The following LOC128462377 variants were observed in gnomAD, a reference collection of about 807,000 sequenced individuals.
the LOC128462377 span, among the ~76,000 whole-genome samples, chr16:89,329,166 G>A: frequency 3.9e-5 from 6 of 152,166 alleles, no homozygotes; most frequent in African/African-American, 9.7e-5. Context: ...CACCAACCTC[G>A]GGGAAACAGG....
At chr16:89,388,285 T>A in the LOC128462377 span, among the ~76,000 whole-genome samples, 2 of 140,956 alleles carry the variant, frequency 1.4e-5, no homozygotes, top group African/African-American at 5.3e-5. Flanking sequence ...CTTCTCTCCA[T>A]GAGGCTGATT....
the LOC128462377 span, among the ~76,000 whole-genome samples, chr16:89,384,879 CTTTTTTTTTT>C: frequency 1.2e-3 from 59 of 49,942 alleles, 2 homozygotes; most frequent in East Asian, 0.014. Context: ...AAATAGTTTT[CTTTTTTTTTT>C]TTTTTTTTTT....
the LOC128462377 span, among the ~76,000 whole-genome samples, chr16:89,380,375 G>A: frequency 6.6e-6 from 1 of 152,148 alleles, no homozygotes; most frequent in Non-Finnish European, 1.5e-5. Flanking sequence ...GCCTCCCAAA[G>A]TGCTGGGATT....
At chr16:89,391,938 G>A in the LOC128462377 span, among the ~76,000 whole-genome samples, 14 of 152,226 alleles carry the variant, frequency 9.2e-5, no homozygotes, top group Non-Finnish European at 1.6e-4. Context: ...TATACTGGTC[G>A]AAGCAAGCAT....
the LOC128462377 span, among the ~76,000 whole-genome samples, chr16:89,407,736 G>C: frequency 6.6e-6 from 1 of 151,584 alleles, no homozygotes; most frequent in Non-Finnish European, 1.5e-5. Context: ...TGCAGTCCCA[G>C]CTACTTGAGA....
At chr16:89,384,413 C>T in the LOC128462377 span, among the ~76,000 whole-genome samples, 2 of 151,996 alleles carry the variant, frequency 1.3e-5, no homozygotes, top group Non-Finnish European at 2.9e-5. Flanking sequence ...TGGCTGTAAT[C>T]CCAGCTATGT....
chr16:89,386,943 G>A, the LOC128462377 span, among the ~76,000 whole-genome samples: 10 of 152,054 alleles, frequency 6.6e-5, no homozygotes, highest in African/African-American at 2.2e-4. Context: ...TCAAGGGCAT[G>A]AAGGGCTTGG....
the LOC128462377 span, among the ~76,000 whole-genome samples, chr16:89,341,328 C>A: frequency 6.6e-6 from 1 of 152,138 alleles, no homozygotes; most frequent in Admixed American, 6.5e-5. Context: ...ATTAATCAGG[C>A]AATCAAACCA....
chr16:89,397,427 G>A, the LOC128462377 span, among the ~76,000 whole-genome samples: 1 of 152,242 alleles, frequency 6.6e-6, no homozygotes, highest in Non-Finnish European at 1.5e-5. Flanking sequence ...TGGACTCCCA[G>A]CGCCGTACCA....
At chr16:89,324,966 A>T in the LOC128462377 span, 1 of 169,576 alleles carries the variant, frequency 5.9e-6, no homozygotes, top group South Asian at 1.4e-4. Flanking sequence ...ACTCGTACAC[A>T]CAAGTACTGG....
the LOC128462377 span, among the ~76,000 whole-genome samples, chr16:89,412,804 C>T: frequency 9.2e-5 from 14 of 152,094 alleles, no homozygotes; most frequent in African/African-American, 1.2e-4. Flanking sequence ...AAAAGAAATA[C>T]AGTAACCGCA....
At chr16:89,396,312 C>T in the LOC128462377 span, among the ~76,000 whole-genome samples, 10 of 152,276 alleles carry the variant, frequency 6.6e-5, no homozygotes, top group African/African-American at 2.4e-4. Context: ...ACACTGTGTG[C>T]TGACCTGGGT....
At chr16:89,383,359 C>T in the LOC128462377 span, among the ~76,000 whole-genome samples, 22 of 152,376 alleles carry the variant, frequency 1.4e-4, no homozygotes, top group African/African-American at 3.8e-4. Flanking sequence ...CCCATACCAA[C>T]GCTGACCTCC....
At chr16:89,353,350 A>AAAG in the LOC128462377 span, among the ~76,000 whole-genome samples, 3 of 149,460 alleles carry the variant, frequency 2.0e-5, no homozygotes, top group African/African-American at 7.4e-5. Context: ...TCCAAAAAAA[A>AAAG]AGAGAGAGAG....
chr16:89,352,665 G>A, the LOC128462377 span, among the ~76,000 whole-genome samples: 2 of 152,226 alleles, frequency 1.3e-5, no homozygotes, highest in African/African-American at 4.8e-5. Flanking sequence ...GCACCAAAGT[G>A]TTCTGTGCCT....
the LOC128462377 span, among the ~76,000 whole-genome samples, chr16:89,407,937 A>C: frequency 6.6e-6 from 1 of 152,164 alleles, no homozygotes; most frequent in Non-Finnish European, 1.5e-5. Flanking sequence ...TTAACTTCAA[A>C]AAGCCAAACT....
the LOC128462377 span, chr16:89,323,146 G>A: frequency 2.7e-6 from 1 of 374,224 alleles, no homozygotes; most frequent in Non-Finnish European, 5.0e-6. Context: ...GAGAAGCACG[G>A]TCTCCAGCGG....
the LOC128462377 span, chr16:89,321,361 ACACC>A: frequency 6.7e-6 from 1 of 148,970 alleles, no homozygotes; most frequent in African/African-American, 2.5e-5. Context: ...CAACCCTGAG[ACACC>A]TGTCGGGCGG....
the LOC128462377 span, among the ~76,000 whole-genome samples, chr16:89,410,779 T>G: frequency 6.6e-6 from 1 of 152,230 alleles, no homozygotes; most frequent in African/African-American, 2.4e-5. Flanking sequence ...TATTTTCCCA[T>G]GCCCAGGCAG....
Sources: allele counts gnomAD v4.1 joint callset (sites outside exome capture counted in the v4.1 genomes callset), GRCh38; gene constraint gnomAD v4.1.1; transcripts MANE v1.5.